The following IL17REL variants were observed in gnomAD, a reference collection of about 807,000 sequenced individuals.
The protein encoded by IL17REL is interleukin-17 receptor E-like protein.
Under a neutral mutation model 49.0 loss-of-function variants are expected in IL17REL, and 36 were observed. The ratio of observed to expected loss-of-function variants is 0.73; its 90% CI spans 0.56 to 0.97. The LOEUF (loss-of-function observed/expected upper bound fraction) is 0.97. Among genes scored for constraint, IL17REL ranks in the 50% least tolerant of loss-of-function variants. IL17REL has a pLI of 0.00. For missense variants in IL17REL, 470 were observed against 453.9 expected (o/e 1.04, Z -0.32); for synonymous variants, 206 against 192.4 (o/e 1.07, Z -0.58).
chr22:49,997,564 G>A (rs1487063461), intron 10 of IL17REL, 81 bp from the exon 13 acceptor site: 2 of 1,356,818 alleles, frequency 1.5e-6, no homozygotes, highest in African/African-American at 2.9e-5. Context: ...CCTGGCGCCT[G>A]CCCACTGTAC....
At chr22:50,006,051 G>T (rs183464052) in intron 1 of IL17REL, among the ~76,000 whole-genome samples, 7 of 152,140 alleles carry the variant, frequency 4.6e-5, no homozygotes, top group Admixed American at 4.6e-4. Flanking sequence ...CTTTACAGGG[G>T]TGGAGGATGG....
At chr22:50,004,542 C>A (rs958753973) in intron 1 of IL17REL, among the ~76,000 whole-genome samples, 1 of 152,038 alleles carries the variant, frequency 6.6e-6, no homozygotes, top group African/African-American at 2.4e-5. Context: ...AGAGAAATGA[C>A]TGTGCCTTAG....
At chr22:50,007,312 A>G (rs942993016) in intron 1 of IL17REL, among the ~76,000 whole-genome samples, 5 of 152,136 alleles carry the variant, frequency 3.3e-5, no homozygotes, top group Admixed American at 6.6e-5. Context: ...GATCATCATT[A>G]AAAAAGGAGA....
intron 7 of IL17REL, among the ~76,000 whole-genome samples, 158 bp from the exon 10 acceptor site, chr22:49,998,467 GGTGCAT>G (rs1258417215): frequency 2.0e-5 from 3 of 152,194 alleles, no homozygotes; most frequent in Admixed American, 6.5e-5. Flanking sequence ...TGTGTGCATG[GGTGCAT>G]GTGCATGTGT....
chr22:50,000,321 G>A (rs938407474), intron 4 of IL17REL, among the ~76,000 whole-genome samples, 81 bp from the exon 6 acceptor site: 2 of 152,198 alleles, frequency 1.3e-5, no homozygotes, highest in Admixed American at 6.5e-5. Context: ...CCCCATCCAC[G>A]CGCTGTGCCT....
At chr22:50,007,175 T>C (rs988351114) in intron 1 of IL17REL, among the ~76,000 whole-genome samples, 19 of 152,022 alleles carry the variant, frequency 1.2e-4, no homozygotes, top group African/African-American at 4.6e-4. Context: ...TCATTACTAT[T>C]AATATCAGGA....
intron 5 of IL17REL, 95 bp from the exon 8 acceptor site, chr22:49,999,597 C>G (rs1486842163): frequency 2.2e-6 from 1 of 455,684 alleles, no homozygotes; most frequent in South Asian, 2.1e-5. Context: ...GGAGCGGGGA[C>G]GGGAGGTGGG....
chr22:50,007,227 T>C (rs1027509850), intron 1 of IL17REL, among the ~76,000 whole-genome samples: 2 of 152,084 alleles, frequency 1.3e-5, no homozygotes, highest in Non-Finnish European at 2.9e-5. Flanking sequence ...CCTGGAGAGC[T>C]GAGCCAATTC....
chr22:49,998,516 A>ATG (rs908023458), intron 7 of IL17REL, among the ~76,000 whole-genome samples: 1 of 138,204 alleles, frequency 7.2e-6, no homozygotes, highest in African/African-American at 2.8e-5. Flanking sequence ...GCGTGCGCCT[A>ATG]TGTGTGTGCC....
upstream of IL17REL, among the ~76,000 whole-genome samples, chr22:50,009,320 G>A (rs973238504): frequency 1.3e-5 from 2 of 152,122 alleles, no homozygotes; most frequent in African/African-American, 4.8e-5. Flanking sequence ...CTGACCAAGG[G>A]CACTCAAAGA....
intron 1 of IL17REL, among the ~76,000 whole-genome samples, chr22:50,007,524 C>T (rs1022049526): frequency 7.0e-6 from 1 of 143,580 alleles, no homozygotes; most frequent in Non-Finnish European, 1.5e-5. Context: ...GCAAGTGCCA[C>T]CACACTCAGT....
intron 1 of IL17REL, among the ~76,000 whole-genome samples, chr22:50,004,842 ACT>A (rs1365338997): frequency 8.4e-6 from 1 of 118,982 alleles, no homozygotes; most frequent in African/African-American, 3.3e-5. Flanking sequence ...ACAGAGCAAG[ACT>A]CCATCTCAAA....
upstream of IL17REL, among the ~76,000 whole-genome samples, chr22:50,012,143 C>T (rs1207076327): frequency 6.6e-6 from 1 of 152,188 alleles, no homozygotes; most frequent in Non-Finnish European, 1.5e-5. Flanking sequence ...CTGCCAACAT[C>T]TCATTCTCAG....
intron 4 of IL17REL, 67 bp from the exon 7 acceptor site, chr22:50,000,034 C>T (rs903386117): frequency 7.2e-7 from 1 of 1,388,606 alleles, no homozygotes; most frequent in Non-Finnish European, 9.4e-7. Context: ...TCTGTCTGTC[C>T]CGAGAGCCCC....
chr22:50,001,499 A>T (rs2061080324), intron 1 of IL17REL, among the ~76,000 whole-genome samples: 1 of 152,194 alleles, frequency 6.6e-6, no homozygotes, highest in South Asian at 2.1e-4. Flanking sequence ...GAGCAGTGGA[A>T]GCTGCTGCCC....
Position 49,998,077 on chromosome 22 carries a change from G to A in IL17REL, c.775-8C>T. On this transcript the variant is annotated splice_region_variant and splice_polypyrimidine_tract_variant and intron_variant, in intron 8 of 12. Transcript: ENST00000341280. ...CACCAGCGGGTACTGCACCTGAGGA[G>A]GGCTGGGGTCAGGCTGTGGCATCCA... 1.9e-6 allele frequency: 3 copies of A among 1,593,832 alleles called. No individual in the cohort carries two copies. The highest frequency in any genetic ancestry group is 2.6e-6 in the Non-Finnish European group (3 of 1,172,620).
At chr22:49,993,583 C>T (rs927456869), downstream of IL17REL, among the ~76,000 whole-genome samples, 3 of 152,192 alleles carry the variant, frequency 2.0e-5, no homozygotes, top group African/African-American at 7.2e-5. The surrounding 1 kb of genome is among the most constrained non-coding windows in gnomAD (Gnocchi z 6.0). Flanking sequence ...CAGCAGGTTC[C>T]TCCCTTGTCT....
At chr22:50,010,522 C>A (rs2061133682), upstream of IL17REL, among the ~76,000 whole-genome samples, 1 of 152,240 alleles carries the variant, frequency 6.6e-6, no homozygotes, top group South Asian at 2.1e-4. Flanking sequence ...TGCCCTGAAG[C>A]CCCTCTGGGC....
rs1469885231 is a variant in IL17REL, at chr22:49,996,983, G to T, written c.*44+11C>A. 4.9e-6 allele frequency: 7 copies of T among 1,427,314 alleles called. No individual in the cohort carries two copies. Among genetic ancestry groups the T allele is most frequent in the African/African-American group, 2.9e-5 (2 of 69,986 alleles). 88.4% of individuals were successfully genotyped at this position (1,427,314 alleles called of 1,614,324 possible). A position where few individuals can be genotyped will look rare whatever the true frequency, so the allele number is the denominator to read the frequency against. ...AGATGGCTAGGGGCTGGGCACAGCA[G>T]CGACACCCACCTGGATGCAGATGCC... On this transcript the variant is annotated intron_variant, in intron 12 of 12. Transcript: ENST00000341280.
Sources: gnomAD v4.1 joint callset for allele counts (sites outside exome capture counted in the v4.1 genomes callset) on GRCh38, gnomAD v4.1.1 for gene constraint, Gnocchi (gnomAD v3.1) non-coding constraint, MANE v1.5 for transcripts, NCBI Gene and HGNC (gene_info 2026-07-23, HGNC 2026-07-21) for gene names.